The following FOXN3 variants were observed in gnomAD, a reference collection of about 807,000 sequenced individuals.
FOXN3 encodes the protein forkhead box protein N3.
A neutral mutation model predicts 38.4 loss-of-function variants in FOXN3; 7 were observed. The ratio of observed to expected loss-of-function variants is 0.18; its 90% CI spans 0.10 to 0.34. The LOEUF (loss-of-function observed/expected upper bound fraction) is 0.34, where lower values mean the gene tolerates loss of function less well. FOXN3 is among the 10% of genes least tolerant of loss of function. FOXN3 has a pLI of 1.00. For missense variants in FOXN3, 456 were observed against 613.4 expected, an observed-to-expected ratio of 0.74 and a Z score of 2.71; for synonymous variants, 230 against 242.2, an observed-to-expected ratio of 0.95 and a Z score of 0.47.
At chr14:89,377,363 A>G (rs1890516722) in intron 2 of FOXN3, among the ~76,000 whole-genome samples, 2 of 151,658 alleles carry the variant, frequency 1.3e-5, no homozygotes, top group South Asian at 4.1e-4. Flanking sequence ...GGACAACTGG[A>G]GAAATCTGAA....
intron 3 of FOXN3, among the ~76,000 whole-genome samples, chr14:89,303,628 T>C (rs918436419): frequency 6.6e-6 from 1 of 152,168 alleles, no homozygotes; most frequent in Non-Finnish European, 1.5e-5. Flanking sequence ...GGCTAGTAAG[T>C]GACTCATGCT....
At chr14:89,300,061 C>A (rs535266186) in intron 3 of FOXN3, among the ~76,000 whole-genome samples, 4 of 152,082 alleles carry the variant, frequency 2.6e-5, no homozygotes, top group African/African-American at 9.6e-5. Flanking sequence ...GTGAGTAACA[C>A]AATTCCCTCA....
chr14:89,584,644 G>A (rs1219674837), intron 1 of FOXN3, among the ~76,000 whole-genome samples: 1 of 151,944 alleles, frequency 6.6e-6, no homozygotes, highest in Non-Finnish European at 1.5e-5. Flanking sequence ...TATATTTTCA[G>A]GTACTTATTT....
intron 4 of FOXN3, among the ~76,000 whole-genome samples, chr14:89,254,613 T>C (rs28549949): frequency 0.013 from 1,926 of 152,216 alleles, 42 homozygotes; most frequent in African/African-American, 0.044. Context: ...TGGCAATGAA[T>C]TCAAATTTTC....
chr14:89,378,831 C>T (rs968375675), intron 2 of FOXN3, among the ~76,000 whole-genome samples: 3 of 151,930 alleles, frequency 2.0e-5, no homozygotes, highest in Admixed American at 1.3e-4. Flanking sequence ...CTTAGCCTCC[C>T]GAGTACCTGG....
intron 4 of FOXN3, among the ~76,000 whole-genome samples, chr14:89,204,055 AC>A (rs1888309838): frequency 2.4e-4 from 1 of 4,122 alleles, no homozygotes; most frequent in African/African-American, 1.8e-3. Flanking sequence ...ACTCCCTTAC[AC>A]ACACACACAC....
intron 1 of FOXN3, among the ~76,000 whole-genome samples, chr14:89,614,041 C>A (rs1195100324): frequency 2.0e-5 from 3 of 152,174 alleles, no homozygotes; most frequent in African/African-American, 7.2e-5. Context: ...TCAATACTGC[C>A]ATTTCAGAAC....
intron 1 of FOXN3, among the ~76,000 whole-genome samples, chr14:89,526,616 C>T (rs370223): frequency 0.39 from 59,142 of 151,902 alleles, 11,953 homozygotes; most frequent in East Asian, 0.6. Context: ...CCTAAATAAG[C>T]GGAGCAATAT....
At chr14:89,311,190 T>TA (rs1887534597) in intron 3 of FOXN3, among the ~76,000 whole-genome samples, 1 of 138,778 alleles carries the variant, frequency 7.2e-6, no homozygotes, top group Admixed American at 7.6e-5. Flanking sequence ...TTGTATCTTT[T>TA]AAAAAATAAG....
At chr14:89,376,945 C>T (rs1245582662) in intron 2 of FOXN3, among the ~76,000 whole-genome samples, 2 of 140,500 alleles carry the variant, frequency 1.4e-5, no homozygotes, top group Admixed American at 7.8e-5. Context: ...TTCTTGAACC[C>T]GGGAGGCAGA....
chr14:89,418,271 G>A (rs536235142), upstream of FOXN3, among the ~76,000 whole-genome samples: 1 of 152,136 alleles, frequency 6.6e-6, no homozygotes, highest in South Asian at 2.1e-4. Flanking sequence ...CATCGTGAGC[G>A]GTCTGAAAAC....
chr14:89,571,902 T>C (rs542196948), intron 1 of FOXN3, among the ~76,000 whole-genome samples: 1 of 152,214 alleles, frequency 6.6e-6, no homozygotes, highest in Non-Finnish European at 1.5e-5. Context: ...ATCATAAAAT[T>C]ATAGAATTTT....
At chr14:89,323,065 G>A (rs931051329) in intron 3 of FOXN3, among the ~76,000 whole-genome samples, 1 of 152,030 alleles carries the variant, frequency 6.6e-6, no homozygotes, top group Non-Finnish European at 1.5e-5. Flanking sequence ...AAGTTGGGCA[G>A]ATCACAAGGT....
chr14:89,412,481 G>C lies in FOXN3; in HGVS notation c.-5C>G, dbSNP rs369617344. On this transcript the variant is annotated 5_prime_UTR_variant, in exon 2 of 6. Coordinates refer to ENST00000557258, the MANE Select transcript of FOXN3 (RefSeq NM_005197.4). The surrounding 1 kb of genome is among the most constrained non-coding windows in gnomAD (Gnocchi z 4.7). Reference sequence around the variant, plus strand: ...GGGAGGCATGACTGGACCCATTTACGTGAAGGCTCCTAGTAAAGACATCAC... The same window carrying C: ...GGGAGGCATGACTGGACCCATTTACCTGAAGGCTCCTAGTAAAGACATCAC... 1 of 1,590,322 alleles carries C rather than the reference G, an allele frequency of 6.3e-7. No homozygotes were observed.
Position 89,162,254 on chromosome 14 carries a change from G to T in FOXN3, c.*160C>A. 1 of 587,424 alleles carries T rather than the reference G, an allele frequency of 1.7e-6. No homozygotes were observed. Among genetic ancestry groups the T allele is most frequent in the Non-Finnish European group, 2.8e-6 (1 of 356,472 alleles). 36.4% of individuals were successfully genotyped at this position (587,424 alleles called of 1,614,324 possible). A position where few individuals can be genotyped will look rare whatever the true frequency, so the allele number is the denominator to read the frequency against. ...TAAGGGTCCAAAACAAAGAAGAGGG[G>T]GCAAATTAAAACAAAATAAAAGGAA... On this transcript the variant is annotated 3_prime_UTR_variant, in exon 6 of 6. Coordinates refer to ENST00000557258, the MANE Select transcript of FOXN3 (RefSeq NM_005197.4). The surrounding 1 kb of genome is among the most constrained non-coding windows in gnomAD (Gnocchi z 7.2).
In FOXN3 at chr14:89,163,763, C is replaced by T. The variant is rs192463096; in HGVS notation, c.852-794G>A. On this transcript the variant is annotated intron_variant, in intron 5 of 5. Coordinates refer to ENST00000557258, the MANE Select transcript of FOXN3 (RefSeq NM_005197.4). The surrounding 1 kb of genome is among the most constrained non-coding windows in gnomAD (Gnocchi z 4.3). ...TTAGCATCCTTATTTTACAGTGGCT[C>T]GAAGTGAAGCCTGGAGAAGTTCAGT... 6.6e-6 allele frequency among the ~76,000 whole-genome samples: 1 copy of T among 152,266 alleles called. No homozygotes were observed. Among genetic ancestry groups the T allele is most frequent in the Admixed American group, 6.5e-5 (1 of 15,300 alleles).
At chr14:89,298,850 C>T (rs969801052) in intron 3 of FOXN3, among the ~76,000 whole-genome samples, 1 of 152,218 alleles carries the variant, frequency 6.6e-6, no homozygotes, top group Non-Finnish European at 1.5e-5. Context: ...TTGGTTACTA[C>T]ACCAAGAATA....
intron 2 of FOXN3, among the ~76,000 whole-genome samples, chr14:89,403,428 G>T (rs1048328001): frequency 6.6e-6 from 1 of 152,110 alleles, no homozygotes; most frequent in African/African-American, 2.4e-5. Context: ...GAACTCCTGG[G>T]CTCAAAGTGA....
intron 2 of FOXN3, among the ~76,000 whole-genome samples, chr14:89,394,811 C>G (rs2140081436): frequency 6.6e-6 from 1 of 152,322 alleles, no homozygotes; most frequent in Non-Finnish European, 1.5e-5. Flanking sequence ...ATTCCAACTG[C>G]TGTGAGACAC....
Sources: allele counts gnomAD v4.1 joint callset (sites outside exome capture counted in the v4.1 genomes callset), GRCh38; gene constraint gnomAD v4.1.1; non-coding constraint Gnocchi (gnomAD v3.1); transcripts MANE v1.5; gene names NCBI Gene and HGNC (gene_info 2026-07-23, HGNC 2026-07-21).